MAP4K3: variants seen among roughly 807,000 people sequenced by gnomAD.
MAP4K3 encodes MAPK/ERK kinase kinase kinase 3.
In MAP4K3, 94 loss-of-function variants were observed where a neutral mutation model predicts 143.5. The ratio of observed to expected loss-of-function variants is 0.65; its 90% confidence interval spans 0.55 to 0.78. MAP4K3 has a LOEUF of 0.78. Ranked by LOEUF, MAP4K3 falls within the 30% of genes least tolerant of loss-of-function variation. The probability of loss-of-function intolerance (pLI) is 0.00; values close to 1 mark genes in which losing one functional copy is unlikely to be tolerated. For synonymous variants in MAP4K3, 416 were observed against 347.2 expected (o/e 1.20, Z -2.20); for missense variants, 1,077 against 1,068.1 (o/e 1.01, Z -0.12).
chr2:39,310,627 G>A (rs939475742), intron 13 of MAP4K3, among the ~76,000 whole-genome samples: 2 of 152,180 alleles, frequency 1.3e-5, no homozygotes, highest in African/African-American at 4.8e-5. Flanking sequence ...TGAATCATAT[G>A]GTAGTTCTAT....
At chr2:39,402,226 G>C (rs545036285) in intron 1 of MAP4K3, among the ~76,000 whole-genome samples, 1 of 152,162 alleles carries the variant, frequency 6.6e-6, no homozygotes, top group Non-Finnish European at 1.5e-5. Flanking sequence ...GAAGAAAACG[G>C]TAATAGAAAC....
At chr2:39,253,734 AT>A (rs1181824865) in intron 32 of MAP4K3, among the ~76,000 whole-genome samples, 2 of 152,310 alleles carry the variant, frequency 1.3e-5, no homozygotes, top group African/African-American at 4.8e-5. Context: ...TCCAAGTTAC[AT>A]GACTGAGATT....
chr2:39,346,847 G>A (rs1369759822), intron 3 of MAP4K3, among the ~76,000 whole-genome samples: 2 of 151,916 alleles, frequency 1.3e-5, no homozygotes, highest in East Asian at 3.8e-4. Flanking sequence ...CTCTGCCTGA[G>A]ATATAAAGGC....
At chr2:39,312,550 T>C (rs1021760573) in intron 13 of MAP4K3, among the ~76,000 whole-genome samples, 21 of 152,188 alleles carry the variant, frequency 1.4e-4, no homozygotes, top group Middle Eastern at 3.2e-3. Context: ...TTTGAATATT[T>C]AGCAATAGGA....
intron 24 of MAP4K3, among the ~76,000 whole-genome samples, chr2:39,274,472 G>A (rs1159174411): frequency 3.3e-5 from 5 of 151,822 alleles, no homozygotes; most frequent in Admixed American, 6.6e-5. Flanking sequence ...CACTCACCTC[G>A]GCCTCCCAAA....
chr2:39,403,335 GCA>G lies in MAP4K3; in HGVS notation c.97-25214_97-25213del, dbSNP rs549795222. ...TTTTAACTTCATATCACTGAAAGAG[GCA>G]CTGAAGATGTCTGAAAGAGGCACTG... On this transcript the variant is annotated intron_variant, in intron 1 of 33. Transcript: ENST00000263881. Among the ~76,000 whole-genome samples the G allele has an allele frequency of 4.3e-3, 649 of 152,256 alleles. 6 individuals carry two copies. Among genetic ancestry groups the G allele is most frequent in the Non-Finnish European group, 6.0e-3 (407 of 68,016 alleles).
chr2:39,384,610 T>A (rs1362683958), intron 1 of MAP4K3, among the ~76,000 whole-genome samples: 1 of 152,240 alleles, frequency 6.6e-6, no homozygotes, highest in African/African-American at 2.4e-5. Flanking sequence ...TCTGCATTGA[T>A]GGAAATGATC....
Position 39,299,876 on chromosome 2 carries a change from A to G in MAP4K3, c.1120-75T>C, listed in dbSNP as rs1245699902. The G allele has an allele frequency of 1.5e-5, 8 of 542,510 alleles. No homozygotes were observed. In the Admixed American group the frequency reaches 1.6e-4, roughly 11 times the overall value. 33.6% of individuals were successfully genotyped at this position (542,510 alleles called of 1,614,324 possible). A position where few individuals can be genotyped will look rare whatever the true frequency, so the allele number is the denominator to read the frequency against. ...CATGATACATTAATATATATAATAC[A>G]TATTATTTTTAAAAGATAAGTCCCA... On this transcript the variant is annotated intron_variant, in intron 15 of 33. Coordinates refer to ENST00000263881, the MANE Select transcript of MAP4K3 (RefSeq NM_003618.4).
chr2:39,396,881 ACTAT>A (rs1175457976), intron 1 of MAP4K3, among the ~76,000 whole-genome samples: 4 of 152,230 alleles, frequency 2.6e-5, no homozygotes, highest in African/African-American at 4.8e-5. Flanking sequence ...AGTCATTCTT[ACTAT>A]CTAAGGTAAA....
intron 1 of MAP4K3, among the ~76,000 whole-genome samples, chr2:39,401,770 C>T (rs1043479174): frequency 5.0e-4 from 76 of 152,118 alleles, no homozygotes; most frequent in Admixed American, 1.4e-3. Flanking sequence ...TACTGCACTC[C>T]GGCCTGGATG....
chr2:39,270,134 C>T (rs1680951257), intron 26 of MAP4K3, among the ~76,000 whole-genome samples: 1 of 152,128 alleles, frequency 6.6e-6, no homozygotes, highest in African/African-American at 2.4e-5. Context: ...AGTCAAAACC[C>T]AGGAGGATTA....
chr2:39,335,077 G>C (rs1177818599), intron 6 of MAP4K3, among the ~76,000 whole-genome samples: 1 of 152,146 alleles, frequency 6.6e-6, no homozygotes, highest in Non-Finnish European at 1.5e-5. Flanking sequence ...GGCAAGTTTA[G>C]TGTGGCTGGA....
rs751314409 is a variant in MAP4K3, at chr2:39,436,999, G to A, written c.-12C>T. On this transcript the variant is annotated 5_prime_UTR_variant, in exon 1 of 34. Transcript: ENST00000263881. ...AAGCCGGGGTTCATGGCGGGCCCCA[G>A]GTGCCCCCCGCCTCCCTCCCGGGCA... 1.2e-6 allele frequency: 2 copies of A among 1,606,668 alleles called. No individual in the cohort carries two copies. Among genetic ancestry groups the A allele is most frequent in the Non-Finnish European group, 1.7e-6 (2 of 1,176,600 alleles).
At chr2:39,342,092 CTTCT>C (rs1044809523) in intron 4 of MAP4K3, among the ~76,000 whole-genome samples, 36 of 149,654 alleles carry the variant, frequency 2.4e-4, no homozygotes, top group Middle Eastern at 3.4e-3. Context: ...TGAAAATGCA[CTTCT>C]TTGTCTTTCT....
Position 39,265,204 on chromosome 2 carries a change from T to G in MAP4K3, c.2135A>C (p.Lys712Thr). Residue 712 changes from lysine (K) to threonine (T), a missense_variant and splice_region_variant, in exon 28 of 34, where the codon AAG becomes ACG. Physicochemically the swap from Lys to Thr is moderately conservative, Grantham distance 78. This residue lies in a region of MAP4K3 where 864 missense variants were observed against 801.2 expected (regional missense o/e 1.08). Transcript: ENST00000263881. ...VEPMQKFMLIKHIDFPIPCPL... is the reference protein window; with the variant it reads ...VEPMQKFMLITHIDFPIPCPL... ...AGATAGTCTGACTTTTATGCTTACC[T>G]TAATTAACATAAATTTCTGCATTGG... is the stretch of plus-strand genomic sequence containing the variant. The G allele has an allele frequency of 6.3e-7, 1 of 1,582,984 alleles. No individual in the cohort carries two copies.
chr2:39,313,715 G>A (rs1403373111), intron 13 of MAP4K3, among the ~76,000 whole-genome samples: 1 of 152,102 alleles, frequency 6.6e-6, no homozygotes, highest in African/African-American at 2.4e-5. Flanking sequence ...ATTTCACTAT[G>A]TTGGTCAGGC....
chr2:39,267,271 C>A (rs375643633), intron 26 of MAP4K3, 24 bp from the exon 27 acceptor site: 1 of 1,579,688 alleles, frequency 6.3e-7, no homozygotes, highest in African/African-American at 1.3e-5. Context: ...AAAGTGAGTA[C>A]GTAATATATG....
At chr2:39,358,789 T>C (rs115492965) in intron 2 of MAP4K3, among the ~76,000 whole-genome samples, 154 of 152,308 alleles carry the variant, frequency 1.0e-3, no homozygotes, top group Non-Finnish European at 1.7e-3. Flanking sequence ...ATTATAAAGA[T>C]AGGCCTCCTA....
chr2:39,423,224 T>C (rs1664948470), intron 1 of MAP4K3, among the ~76,000 whole-genome samples: 1 of 152,168 alleles, frequency 6.6e-6, no homozygotes, highest in Non-Finnish European at 1.5e-5. Flanking sequence ...GCGGTAGCAC[T>C]ACACACCTAT....
Sources: gnomAD v4.1 joint callset for allele counts (sites outside exome capture counted in the v4.1 genomes callset) on GRCh38, gnomAD v4.1.1 for gene constraint, gnomAD v4.1.1 regional missense constraint, MANE v1.5 for transcripts, NCBI Gene and HGNC (gene_info 2026-07-23, HGNC 2026-07-21) for gene names.